SKIL: variants seen among roughly 807,000 people sequenced by gnomAD.
SKIL encodes SKI like proto-oncogene.
A neutral mutation model predicts 69.6 loss-of-function variants in SKIL; 20 were observed. The ratio of observed to expected loss-of-function variants is 0.29; its 90% confidence interval spans 0.20 to 0.42. SKIL has a LOEUF of 0.42. Ranked by LOEUF, SKIL falls within the 10% of genes least tolerant of loss-of-function variation. The probability of loss-of-function intolerance (pLI) is 1.00; values close to 1 mark genes in which losing one functional copy is unlikely to be tolerated. For synonymous variants in SKIL, 310 were observed against 279.9 expected (o/e 1.11, Z -1.08); for missense variants, 745 against 783.1 (o/e 0.95, Z 0.58).
intron 2 of SKIL, among the ~76,000 whole-genome samples, chr3:170,369,296 G>A (rs1301455567): frequency 6.6e-6 from 1 of 152,148 alleles, no homozygotes; most frequent in African/African-American, 2.4e-5. Context: ...AGATGGCCGT[G>A]TTTTCAGAGT....
intron 2 of SKIL, among the ~76,000 whole-genome samples, chr3:170,362,223 C>T (rs140981780): frequency 7.2e-5 from 11 of 152,290 alleles, no homozygotes; most frequent in African/African-American, 2.6e-4. Context: ...TAAAAACCTG[C>T]CGGGCTCAGT....
intron 2 of SKIL, among the ~76,000 whole-genome samples, chr3:170,367,408 A>G (rs1039686519): frequency 2.1e-5 from 3 of 146,114 alleles, no homozygotes; most frequent in Admixed American, 6.9e-5. Flanking sequence ...ATTCTTCCCT[A>G]TTGTAGCATG....
intron 2 of SKIL, among the ~76,000 whole-genome samples, chr3:170,379,587 A>T (rs1737220965): frequency 6.6e-6 from 1 of 152,190 alleles, no homozygotes; most frequent in Non-Finnish European, 1.5e-5. Flanking sequence ...AACCAAAATA[A>T]GGGAGAAGTT....
chr3:170,372,632 G>A lies in SKIL; in HGVS notation c.1099-8612G>A, dbSNP rs367906521. Among the ~76,000 whole-genome samples the A allele has an allele frequency of 3.3e-5, 5 of 152,090 alleles. No individual in the cohort carries two copies. The South Asian group carries it at 6.2e-4, about 19-fold the overall frequency. On this transcript the variant is annotated intron_variant, in intron 2 of 6. Transcript: ENST00000259119. The stretch of plus-strand genomic sequence containing the variant: ...GTACTGAGGGATTCTGTTTCTTTTG[G>A]TAAGAGTTGTTGGCAGCTATCTGGT...
intron 2 of SKIL, among the ~76,000 whole-genome samples, chr3:170,368,972 G>C (rs1016914764): frequency 2.0e-5 from 3 of 151,932 alleles, no homozygotes; most frequent in Non-Finnish European, 4.4e-5. Flanking sequence ...GTTTTGTTTA[G>C]TGCCTTTCTC....
chr3:170,385,622 T>A (rs1271440993), intron 4 of SKIL, among the ~76,000 whole-genome samples: 1 of 152,142 alleles, frequency 6.6e-6, no homozygotes, highest in African/African-American at 2.4e-5. Context: ...GTGGATTAAA[T>A]GAGACATGTC....
At position 170,385,870 on chromosome 3, in the gene SKIL, C is replaced by T. The variant is rs1207447113; in HGVS notation, c.1429+1105C>T. Among the ~76,000 whole-genome samples, 3 of 149,508 alleles carry T rather than the reference C, an allele frequency of 2.0e-5. No homozygotes were observed. In the Admixed American group the frequency reaches 2.0e-4, roughly 10 times the overall value. On this transcript the variant is annotated intron_variant, in intron 4 of 6. Coordinates refer to ENST00000259119, the MANE Select transcript of SKIL (RefSeq NM_005414.5). ...AGGCTGGAGTAAAATGGTGAGATCT[C>T]AGCTCACCGCAACCTCCACCTCCCA...
chr3:170,360,023 G>T lies in SKIL; in HGVS notation c.-309G>T, dbSNP rs1326513316. ...CTGGACATCTTTAATTGAGAAATTG[G>T]TAACTTTATTTTAATATGTATATCT... On this transcript the variant is annotated 5_prime_UTR_variant, in exon 2 of 7. Coordinates refer to ENST00000259119, the MANE Select transcript of SKIL (RefSeq NM_005414.5). The T allele has an allele frequency of 8.9e-6, 2 of 224,708 alleles. No individual in the cohort carries two copies. The highest frequency in any genetic ancestry group is 1.7e-5 in the Non-Finnish European group (2 of 115,422). The allele number at this position is 224,708 out of a possible 1,614,324, so 13.9% of individuals were successfully genotyped here.
chr3:170,376,637 G>A (rs1737048549), intron 2 of SKIL, among the ~76,000 whole-genome samples: 1 of 152,044 alleles, frequency 6.6e-6, no homozygotes, highest in African/African-American at 2.4e-5. Flanking sequence ...GTGCCATGGA[G>A]CAATCTCAGC....
intron 4 of SKIL, among the ~76,000 whole-genome samples, chr3:170,388,007 A>G (rs1194045198): frequency 6.7e-6 from 1 of 149,672 alleles, no homozygotes; most frequent in East Asian, 2.0e-4. Flanking sequence ...GTAGAACTAT[A>G]TTTTCAGTTT....
rs911714646 is a variant in SKIL, at chr3:170,395,223, T to C, written c.*2806T>C. The C allele has an allele frequency of 1.3e-5, 2 of 152,136 alleles. No homozygotes were observed. Among genetic ancestry groups the C allele is most frequent in the African/African-American group, 2.4e-5 (1 of 41,452 alleles). The allele number at this position is 152,136 out of a possible 1,614,324, so 9.4% of individuals were successfully genotyped here. On this transcript the variant is annotated 3_prime_UTR_variant, in exon 7 of 7. Coordinates refer to ENST00000259119, the MANE Select transcript of SKIL (RefSeq NM_005414.5). ...ATAAATGTAAAACCTCTTGCTGTTA[T>C]TGAGGAAGCTCTTCAACTACCCTAA...
intron 2 of SKIL, among the ~76,000 whole-genome samples, chr3:170,367,627 C>A (rs1206793811): frequency 6.6e-6 from 1 of 151,840 alleles, no homozygotes; most frequent in Non-Finnish European, 1.5e-5. Context: ...CCACCACACC[C>A]AGCTAATTTT....
intron 2 of SKIL, among the ~76,000 whole-genome samples, chr3:170,371,810 G>C (rs1005031748): frequency 2.6e-5 from 4 of 152,122 alleles, no homozygotes; most frequent in African/African-American, 9.7e-5. Flanking sequence ...ATTGAAAACC[G>C]CCAGGAGGGT....
intron 2 of SKIL, 58 bp downstream of exon 2, chr3:170,361,487 C>A: frequency 7.6e-7 from 1 of 1,315,164 alleles, no homozygotes; most frequent in Non-Finnish European, 1.0e-6. Flanking sequence ...AATGAAAATT[C>A]TATGTTTAGT....
chr3:170,388,015 T>G (rs920248313), intron 4 of SKIL, among the ~76,000 whole-genome samples: 37 of 149,840 alleles, frequency 2.5e-4, no homozygotes, highest in African/African-American at 7.1e-4. Flanking sequence ...ATATTTTCAG[T>G]TTTTTTTTGG....
intron 2 of SKIL, among the ~76,000 whole-genome samples, chr3:170,366,086 A>G (rs1292895569): frequency 1.3e-5 from 2 of 149,684 alleles, no homozygotes; most frequent in Middle Eastern, 3.2e-3. Context: ...GACTGTACTA[A>G]ATATATTAAC....
At position 170,382,718 on chromosome 3, in the gene SKIL, A is replaced by ATTTT. The variant is rs35647654; in HGVS notation, c.1196+1392_1196+1395dup. ...GCCACCGCCCCGAGCCGCAACTTCA[A>ATTTT]TTTTTTTTTTTTTTTTTTGAGATGG... On this transcript the variant is annotated intron_variant, in intron 3 of 6. Coordinates refer to ENST00000259119, the MANE Select transcript of SKIL (RefSeq NM_005414.5). Among the ~76,000 whole-genome samples the ATTTT allele has an allele frequency of 4.9e-5, 6 of 123,036 alleles. 1 individual carries two copies. Among genetic ancestry groups the ATTTT allele is most frequent in the East Asian group, 4.7e-4 (2 of 4,266 alleles). 80.7% of individuals were successfully genotyped at this position (123,036 alleles called of 152,430 possible).
chr3:170,377,929 T>C (rs578231850), intron 2 of SKIL, among the ~76,000 whole-genome samples: 1 of 152,086 alleles, frequency 6.6e-6, no homozygotes, highest in African/African-American at 2.4e-5. Context: ...AGTCTTGCTC[T>C]GTCACCCAGG....
Position 170,391,174 on chromosome 3 carries a change from G to A in SKIL, c.1810G>A (p.Glu604Lys). The A allele has an allele frequency of 6.2e-7, 1 of 1,612,538 alleles. No homozygotes were observed. Among genetic ancestry groups the A allele is most frequent in the South Asian group, 1.1e-5 (1 of 90,898 alleles). ...EEFYVEQKDL[E>K]KKLEQIMKQK... is the part of the protein sequence containing the mutation. Reference sequence around the variant, plus strand: ...ATTTTATGTTGAACAGAAAGACTTAGAGAAAAAATTGGAGCAGATAATGAA... The same window carrying A: ...ATTTTATGTTGAACAGAAAGACTTAAAGAAAAAATTGGAGCAGATAATGAA... Residue 604 changes from glutamate (E) to lysine (K), a missense_variant, in exon 6 of 7, where the codon GAG becomes AAG. By Grantham distance (56) the Glu-to-Lys change is moderately conservative (BLOSUM62 1). Transcript: ENST00000259119.
Sources: gnomAD v4.1 joint callset for allele counts (sites outside exome capture counted in the v4.1 genomes callset) on GRCh38, gnomAD v4.1.1 for gene constraint, MANE v1.5 for transcripts, NCBI Gene and HGNC (gene_info 2026-07-23, HGNC 2026-07-21) for gene names.